Variants in RYK observed in about 807,000 individuals in gnomAD.
The protein encoded by RYK is inactive tyrosine-protein kinase RYK.
In RYK, 21 loss-of-function variants were observed where a neutral mutation model predicts 70.2. The observed-to-expected ratio is 0.30, with a 90% CI of 0.21 to 0.43. The LOEUF is 0.43. Ranked by LOEUF, RYK falls within the 20% of genes least tolerant of loss-of-function variation. The probability of loss-of-function intolerance (pLI) is 1.00; values close to 1 mark genes in which losing one functional copy is unlikely to be tolerated. For synonymous variants in RYK, 267 were observed against 278.0 expected, an observed-to-expected ratio of 0.96 and a Z score of 0.39; for missense variants, 604 against 753.3, an observed-to-expected ratio of 0.80 and a Z score of 2.32.
Position 134,250,521 on chromosome 3 carries a change from G to A in RYK, c.134C>T (p.Ala45Val), listed in dbSNP as rs1444512773. The change falls in exon 1 of 15, where the codon GCC becomes GTC. Residue 45 changes from alanine to valine, a missense_variant. Ala to Val is a moderately conservative substitution (Grantham distance 64, BLOSUM62 0). Coordinates refer to ENST00000623711, the MANE Select transcript of RYK (RefSeq NM_002958.4). ...CGGGGGCCGCGGGGCGGGGGCGGCG[G>A]CAGCGCCAGGCGCGGGCAGCAGCGG... ...LLPLLPAPGA[A>V]AAPAPRPPEL... is the part of the protein sequence containing the mutation. The A allele has an allele frequency of 5.8e-6, 7 of 1,217,330 alleles. No individual in the cohort carries two copies. The highest frequency in any genetic ancestry group is 7.2e-6 in the Non-Finnish European group (7 of 973,304). 75.4% of individuals were successfully genotyped at this position (1,217,330 alleles called of 1,614,324 possible).
chr3:134,183,926 T>A (rs1452509833), intron 9 of RYK, among the ~76,000 whole-genome samples: 1 of 152,234 alleles, frequency 6.6e-6, no homozygotes, highest in African/African-American at 2.4e-5. Context: ...TGTGTTTACA[T>A]ATCCTAATAT....
chr3:134,233,500 A>C (rs1452771191), intron 1 of RYK, among the ~76,000 whole-genome samples: 1 of 152,208 alleles, frequency 6.6e-6, no homozygotes, highest in East Asian at 1.9e-4. Flanking sequence ...AGACAGACAC[A>C]AATTTTTATG....
At chr3:134,187,723 T>TC (rs1402846257) in intron 9 of RYK, among the ~76,000 whole-genome samples, 1 of 145,610 alleles carries the variant, frequency 6.9e-6, no homozygotes, top group East Asian at 2.0e-4. Context: ...CCCAGCTACT[T>TC]TTTTTTTTTT....
chr3:134,203,084 C>T (rs569721512), intron 5 of RYK, among the ~76,000 whole-genome samples: 7 of 152,258 alleles, frequency 4.6e-5, no homozygotes, highest in South Asian at 2.1e-4. Context: ...TGATGGCTCA[C>T]GCCTGTAATC....
At chr3:134,195,945 C>CA (rs146683719) in intron 6 of RYK, among the ~76,000 whole-genome samples, 171 of 142,446 alleles carry the variant, frequency 1.2e-3, no homozygotes, top group Admixed American at 2.7e-3. Context: ...CAGTCCATCT[C>CA]AAAAAAAAAA....
intron 1 of RYK, among the ~76,000 whole-genome samples, chr3:134,238,092 T>A (rs2015236720): frequency 6.6e-6 from 1 of 152,170 alleles, no homozygotes; most frequent in East Asian, 1.9e-4. Context: ...ATGTAATAAA[T>A]CTAGCTGTGG....
chr3:134,222,624 G>A lies in RYK; in HGVS notation c.233-85C>T, dbSNP rs137869834. 9.9e-4 allele frequency: 1,171 copies of A among 1,186,308 alleles called. 8 individuals carry two copies. The East Asian group carries it at 0.017, about 17-fold the overall frequency. 73.5% of individuals were successfully genotyped at this position (1,186,308 alleles called of 1,614,324 possible). On this transcript the variant is annotated intron_variant, in intron 1 of 14. Transcript: ENST00000623711. The stretch of plus-strand genomic sequence containing the variant: ...TCAGTATTTCAAATACAAATAGAGT[G>A]AAGATAATATTGATAAGCAAATGAA...
chr3:134,162,234 A>ATT (rs35638482), intron 13 of RYK, among the ~76,000 whole-genome samples: 4 of 139,380 alleles, frequency 2.9e-5, no homozygotes, highest in Admixed American at 7.0e-5. Flanking sequence ...GGCTTCAACC[A>ATT]TTTTTTTTTT....
chr3:134,237,016 C>T (rs561338474), intron 1 of RYK, among the ~76,000 whole-genome samples: 1 of 152,234 alleles, frequency 6.6e-6, no homozygotes, highest in South Asian at 2.1e-4. Flanking sequence ...GAAAGCATGG[C>T]ATTTTTTCAA....
chr3:134,239,684 C>A (rs1366924213), intron 1 of RYK, among the ~76,000 whole-genome samples: 4 of 152,066 alleles, frequency 2.6e-5, no homozygotes, highest in African/African-American at 9.7e-5. Context: ...TTAATGAAAA[C>A]CTACTACATG....
chr3:134,227,269 GAGA>G (rs1278811025), intron 1 of RYK, among the ~76,000 whole-genome samples: 1 of 152,120 alleles, frequency 6.6e-6, no homozygotes, highest in African/African-American at 2.4e-5. Flanking sequence ...AGAAAAATTA[GAGA>G]AGACCTTAAA....
Position 134,178,037 on chromosome 3 carries a change from T to C in RYK, c.1209A>G (p.Glu403=), listed in dbSNP as rs760425863. Residue 403 remains glutamate, a synonymous_variant, in exon 11 of 15, where the codon GAA becomes GAG. Coordinates refer to ENST00000623711, the MANE Select transcript of RYK (RefSeq NM_002958.4). ...GCAATATCACCATGGGCTTTTCTCC[T>C]TCTTCTATACACACATGAGTAATAG... ...LLPITHVCIE[E]GEKPMVILPY... The C allele has an allele frequency of 1.2e-6, 2 of 1,603,344 alleles. No individual in the cohort carries two copies. Among genetic ancestry groups the C allele is most frequent in the East Asian group, 2.2e-5 (1 of 44,740 alleles).
At chr3:134,213,864 C>T (rs1000534740) in intron 2 of RYK, among the ~76,000 whole-genome samples, 6 of 152,186 alleles carry the variant, frequency 3.9e-5, no homozygotes, top group South Asian at 2.1e-4. Context: ...AGTGCAGTGG[C>T]GTGATATCGG....
intron 1 of RYK, among the ~76,000 whole-genome samples, chr3:134,240,887 A>C (rs1004004173): frequency 6.6e-6 from 1 of 152,236 alleles, no homozygotes; most frequent in African/African-American, 2.4e-5. Flanking sequence ...TATTGCTCTT[A>C]ATCTAATGAC....
chr3:134,227,483 A>G (rs2014944090), intron 1 of RYK, among the ~76,000 whole-genome samples: 1 of 152,028 alleles, frequency 6.6e-6, no homozygotes, highest in South Asian at 2.1e-4. Context: ...GGAACAAGGC[A>G]ATTCAACTTT....
intron 5 of RYK, among the ~76,000 whole-genome samples, chr3:134,204,746 C>T (rs1383228744): frequency 2.0e-5 from 3 of 152,028 alleles, no homozygotes; most frequent in Non-Finnish European, 4.4e-5. Context: ...GATTTGATCA[C>T]GAGTACTCAC....
intron 1 of RYK, among the ~76,000 whole-genome samples, chr3:134,229,379 G>GA (rs753782991): frequency 0.15 from 8,905 of 61,140 alleles, 1,263 homozygotes; most frequent in East Asian, 0.48. Flanking sequence ...CCTTTGGGCT[G>GA]GAAAAAAAAA....
At chr3:134,162,712 T>C (rs970789584) in intron 13 of RYK, among the ~76,000 whole-genome samples, 2 of 152,262 alleles carry the variant, frequency 1.3e-5, no homozygotes, top group Non-Finnish European at 2.9e-5. Flanking sequence ...GAAATCTTAA[T>C]ACTGACAGTC....
At chr3:134,159,908 G>A (rs1014631343) in intron 13 of RYK, among the ~76,000 whole-genome samples, 1 of 152,192 alleles carries the variant, frequency 6.6e-6, no homozygotes, top group Non-Finnish European at 1.5e-5. Context: ...CTACAGAAAG[G>A]AACAGGAATA....
Sources: allele counts gnomAD v4.1 joint callset (sites outside exome capture counted in the v4.1 genomes callset), GRCh38; gene constraint gnomAD v4.1.1; transcripts MANE v1.5; gene names NCBI Gene and HGNC (gene_info 2026-07-23, HGNC 2026-07-21).